The following ZNF544 variants were observed in gnomAD, a reference collection of about 807,000 sequenced individuals.
ZNF544 encodes the protein zinc finger protein 544, also known as zinc finger protein AF020591.
Under a neutral mutation model 13.5 loss-of-function variants are expected in ZNF544, and 10 were observed. The observed-to-expected ratio is 0.74, with a 90% CI of 0.46 to 1.25. The LOEUF (loss-of-function observed/expected upper bound fraction) is 1.25. Among genes scored for constraint, ZNF544 ranks in the 50% most tolerant of loss-of-function variants. The probability of loss-of-function intolerance (pLI) is 0.00; values close to 1 mark genes in which losing one functional copy is unlikely to be tolerated. For missense variants in ZNF544, 896 were observed against 845.6 expected, an observed-to-expected ratio of 1.06 and a Z score of -0.74; for synonymous variants, 323 against 300.5, an observed-to-expected ratio of 1.07 and a Z score of -0.77.
chr19:58,263,437 G>A lies in ZNF544; in HGVS notation c.*683G>A. ...GATCATGCCATCACACCGCTGCCTTGTGAGAGATTGAGACACTCTAAATAA... is the reference window on the plus strand; with the variant it reads ...GATCATGCCATCACACCGCTGCCTTATGAGAGATTGAGACACTCTAAATAA... On this transcript the variant is annotated 3_prime_UTR_variant, in exon 7 of 7. Transcript: ENST00000687789. 7 of 985,346 alleles carry A rather than the reference G, an allele frequency of 7.1e-6. No homozygotes were observed. The highest frequency in any genetic ancestry group is 8.4e-6 in the Non-Finnish European group (7 of 829,946). The allele number at this position is 985,346 out of a possible 1,614,324, so 61.0% of individuals were successfully genotyped here.
rs557579752 is a variant in ZNF544 at position 58,262,370 on chromosome 19, C to CT, written c.1765dup (p.Tyr589LeufsTer7). On this transcript the variant is annotated frameshift_variant, in exon 7 of 7. Coordinates refer to ENST00000687789, the MANE Select transcript of ZNF544 (RefSeq NM_014480.4). LOFTEE classifies it low-confidence loss of function (END_TRUNC). Reference sequence around the variant, plus strand: ...ACTGTGGAAAGTCCTTCAGCCAAAGCTATCAGTTAGTTGCACATAAAAGAA... The same window carrying CT: ...ACTGTGGAAAGTCCTTCAGCCAAAGCTTATCAGTTAGTTGCACATAAAAGAA... The CT allele has an allele frequency of 4.3e-6, 7 of 1,613,960 alleles. No individual in the cohort carries two copies. The South Asian group carries it at 6.6e-5, about 15-fold the overall frequency.
chr19:58,235,172 G>A (rs1313993181), intron 3 of ZNF544, among the ~76,000 whole-genome samples: 1 of 152,178 alleles, frequency 6.6e-6, no homozygotes, highest in Non-Finnish European at 1.5e-5. Flanking sequence ...AAGTTATGTG[G>A]TACAGCCTCT....
At chr19:58,271,894 G>A (rs2050676790) in intron 5 of ZNF544, among the ~76,000 whole-genome samples, 1 of 152,158 alleles carries the variant, frequency 6.6e-6, no homozygotes, top group African/African-American at 2.4e-5. Flanking sequence ...GGGCGCAGTG[G>A]CTCATGCCTG....
chr19:58,246,694 T>A lies in ZNF544; in HGVS notation c.161-17T>A. On this transcript the variant is annotated splice_polypyrimidine_tract_variant and intron_variant, in intron 5 of 6. Coordinates refer to ENST00000687789, the MANE Select transcript of ZNF544 (RefSeq NM_014480.4). ...TGTCCAAGCAGAGGGGCAAGTCCTTTTTCCGTCTTTGACCAGGGCTTTTCC... is the reference window on the plus strand; with the variant it reads ...TGTCCAAGCAGAGGGGCAAGTCCTTATTCCGTCTTTGACCAGGGCTTTTCC... 1 of 1,613,634 alleles carries A rather than the reference T, an allele frequency of 6.2e-7. No individual in the cohort carries two copies. The highest frequency in any genetic ancestry group is 8.5e-7 in the Non-Finnish European group (1 of 1,179,816).
intron 5 of ZNF544, among the ~76,000 whole-genome samples, chr19:58,270,173 G>A (rs531580353): frequency 3.4e-4 from 52 of 152,306 alleles, no homozygotes; most frequent in African/African-American, 8.7e-4. Context: ...ACACTGATGT[G>A]AGTAATTCTT....
intron 5 of ZNF544, among the ~76,000 whole-genome samples, chr19:58,276,003 T>A (rs1600444267): frequency 6.6e-6 from 1 of 151,840 alleles, no homozygotes; most frequent in South Asian, 2.1e-4. Flanking sequence ...CTGGGCAACA[T>A]GGCAAAATCC....
At chr19:58,269,589 C>T (rs999350890) in intron 5 of ZNF544, among the ~76,000 whole-genome samples, 1 of 133,572 alleles carries the variant, frequency 7.5e-6, no homozygotes, top group African/African-American at 2.9e-5. Flanking sequence ...CCAGCGTGGG[C>T]GACAAAGCGA....
intron 6 of ZNF544, among the ~76,000 whole-genome samples, chr19:58,256,676 A>T (rs1209671371): frequency 2.6e-5 from 4 of 152,118 alleles, no homozygotes; most frequent in African/African-American, 9.7e-5. Context: ...AAATCCTGGG[A>T]ACTTCATACA....
At chr19:58,239,734 A>G (rs576757151) in intron 3 of ZNF544, among the ~76,000 whole-genome samples, 2 of 152,274 alleles carry the variant, frequency 1.3e-5, no homozygotes, top group South Asian at 4.2e-4. Context: ...CCCCGTCTTT[A>G]CTAAAAATAC....
chr19:58,246,188 G>A, intron 4 of ZNF544, 113 bp from the exon 5 acceptor site: 2 of 1,421,372 alleles, frequency 1.4e-6, no homozygotes, highest in Non-Finnish European at 2.0e-6. Flanking sequence ...CTGGGTATTA[G>A]GTTCCAATGT....
chr19:58,276,901 T>G (rs2051264029), intron 6 of ZNF544, among the ~76,000 whole-genome samples: 1 of 152,192 alleles, frequency 6.6e-6, no homozygotes, highest in African/African-American at 2.4e-5. Flanking sequence ...AGAATAGTGG[T>G]TTTTGTAAGA....
chr19:58,243,160 A>G (rs2044278466), intron 3 of ZNF544, among the ~76,000 whole-genome samples: 1 of 152,108 alleles, frequency 6.6e-6, no homozygotes, highest in Non-Finnish European at 1.5e-5. Context: ...TTCATGAACT[A>G]GAAAGCATTG....
chr19:58,265,203 G>A (rs1269335420), downstream of ZNF544, among the ~76,000 whole-genome samples: 1 of 152,072 alleles, frequency 6.6e-6, no homozygotes, highest in Non-Finnish European at 1.5e-5. Context: ...ATTTAAATTG[G>A]TCCACTCAGC....
At chr19:58,245,816 A>G (rs11881516) in intron 4 of ZNF544, 5,515 of 178,478 alleles carry the variant, frequency 0.031, 316 homozygotes, top group African/African-American at 0.12. Context: ...CTCCTAGTGG[A>G]GTTCCTGTCA....
At chr19:58,242,764 C>T (rs1256968514) in intron 3 of ZNF544, among the ~76,000 whole-genome samples, 1 of 152,132 alleles carries the variant, frequency 6.6e-6, no homozygotes, top group Non-Finnish European at 1.5e-5. Flanking sequence ...GGGGTGCAAT[C>T]TCGGCTCACT....
chr19:58,274,707 G>T (rs562415235), intron 5 of ZNF544, among the ~76,000 whole-genome samples: 2 of 152,278 alleles, frequency 1.3e-5, no homozygotes, highest in African/African-American at 4.8e-5. Flanking sequence ...GAAATAGGGA[G>T]AAGAGTGGCA....
At position 58,242,432 on chromosome 19, in the gene ZNF544, G is replaced by A. The variant is rs185312823; in HGVS notation, c.-59-1533G>A. ...AGACTATGGGGCAAGAAAAATGCCA[G>A]CGTTCAAACCTGGGAGAATGATAAG... On this transcript the variant is annotated intron_variant, in intron 3 of 6. Transcript: ENST00000687789. 10 of 234,648 alleles carry A rather than the reference G, an allele frequency of 4.3e-5. No individual in the cohort carries two copies. The East Asian group carries it at 1.5e-3, about 34-fold the overall frequency. The allele number at this position is 234,648 out of a possible 1,614,324, so 14.5% of individuals were successfully genotyped here.
intron 6 of ZNF544, among the ~76,000 whole-genome samples, chr19:58,254,617 G>A (rs2046876357): frequency 6.6e-6 from 1 of 152,216 alleles, no homozygotes; most frequent in Admixed American, 6.5e-5. Context: ...GTGGGCACCA[G>A]TGCTGCTTTA....
At chr19:58,270,775 C>A (rs1187627667) in intron 5 of ZNF544, among the ~76,000 whole-genome samples, 5 of 152,098 alleles carry the variant, frequency 3.3e-5, no homozygotes, top group Non-Finnish European at 7.4e-5. Context: ...TTTCCCTTAC[C>A]ATCCTTTTAG....
Sources: gnomAD v4.1 joint callset for allele counts (sites outside exome capture counted in the v4.1 genomes callset) on GRCh38, gnomAD v4.1.1 for gene constraint, MANE v1.5 for transcripts, NCBI Gene and HGNC (gene_info 2026-07-23, HGNC 2026-07-21) for gene names.